The following TAF1A variants were observed in gnomAD, a reference collection of about 807,000 sequenced individuals.
The protein encoded by TAF1A is TATA-box binding protein associated factor, RNA polymerase I subunit A.
In TAF1A, 42 loss-of-function variants were observed where a neutral mutation model predicts 61.6. That is an observed-to-expected ratio of 0.68 (90% CI 0.53 to 0.88). TAF1A has a LOEUF of 0.88. Among genes scored for constraint, TAF1A ranks in the 40% least tolerant of loss-of-function variants. The probability of loss-of-function intolerance (pLI) is 0.00; values close to 1 mark genes in which losing one functional copy is unlikely to be tolerated. For missense variants in TAF1A, 424 were observed against 518.7 expected, an observed-to-expected ratio of 0.82 and a Z score of 1.77; for synonymous variants, 179 against 177.7, an observed-to-expected ratio of 1.01 and a Z score of -0.06.
chr1:222,563,064 T>C, intron 9 of TAF1A, 109 bp downstream of exon 9: 1 of 1,111,292 alleles, frequency 9.0e-7, no homozygotes. Context: ...GAAGACACAA[T>C]TCAAGAAATT....
intron 2 of TAF1A, among the ~76,000 whole-genome samples, chr1:222,585,965 T>G (rs1461273849): frequency 1.3e-5 from 2 of 152,250 alleles, no homozygotes; most frequent in African/African-American, 4.8e-5. Context: ...ACAATAAAAT[T>G]TTTTCAGATG....
chr1:222,569,039 A>G lies in TAF1A; in HGVS notation c.894+471T>C, dbSNP rs75817669. Reference sequence around the variant, plus strand: ...CTAGAAGAGATAAAAATTAATCTATAGTGACAATAAGCAGATCAGTGATTG... The same window carrying G: ...CTAGAAGAGATAAAAATTAATCTATGGTGACAATAAGCAGATCAGTGATTG... On this transcript the variant is annotated intron_variant, in intron 7 of 10. Transcript: ENST00000352967. 2.3e-3 allele frequency: 401 copies of G among 174,362 alleles called. 1 individual carries two copies. The highest frequency in any genetic ancestry group is 9.2e-3 in the African/African-American group (383 of 41,800). The allele number at this position is 174,362 out of a possible 1,614,324, so 10.8% of individuals were successfully genotyped here.
In TAF1A at chr1:222,577,445, C is replaced by G; in HGVS notation, c.604G>C (p.Asp202His). 1.9e-6 allele frequency: 3 copies of G among 1,613,402 alleles called. No individual in the cohort carries two copies. The highest frequency in any genetic ancestry group is 2.5e-6 in the Non-Finnish European group (3 of 1,179,574). The change falls in exon 5 of 11, where the codon GAT becomes CAT. Residue 202 changes from aspartate to histidine, a missense_variant and splice_region_variant. Asp to His is a moderately conservative substitution (Grantham distance 81). Transcript: ENST00000352967. The stretch of plus-strand genomic sequence containing the variant: ...AAAAAGTTTACCTGTATTCACTTAC[C>G]AAGCTTTGACAATTCCATCTTCTTT... Reference protein sequence around the residue: ...SEKKMELSKLDKDDYAYNAVA... With the variant: ...SEKKMELSKLHKDDYAYNAVA...
At chr1:222,577,402 C>G in intron 5 of TAF1A, 43 bp downstream of exon 5, 4 of 1,519,888 alleles carry the variant, frequency 2.6e-6, no homozygotes, top group Non-Finnish European at 3.6e-6. Context: ...TCCCTCTGCC[C>G]CTCAGTCTCA....
At chr1:222,556,237 G>A (rs1435309425), downstream of TAF1A, among the ~76,000 whole-genome samples, 1 of 152,182 alleles carries the variant, frequency 6.6e-6, no homozygotes, top group Non-Finnish European at 1.5e-5. Context: ...TTGTCTTCAA[G>A]GCATCTTTCC....
At chr1:222,578,815 G>A (rs536806371) in intron 4 of TAF1A, among the ~76,000 whole-genome samples, 5 of 152,028 alleles carry the variant, frequency 3.3e-5, no homozygotes, top group Non-Finnish European at 7.4e-5. Context: ...ATATTGCCTG[G>A]TAAGCGGCAA....
intron 2 of TAF1A, among the ~76,000 whole-genome samples, 180 bp downstream of exon 2, chr1:222,588,263 T>C (rs1305589177): frequency 1.3e-5 from 2 of 152,222 alleles, no homozygotes; most frequent in Non-Finnish European, 2.9e-5. Flanking sequence ...ACAGACTATC[T>C]ATTATTAATC....
At chr1:222,556,600 G>C (rs1426455270), downstream of TAF1A, among the ~76,000 whole-genome samples, 1 of 152,176 alleles carries the variant, frequency 6.6e-6, no homozygotes, top group African/African-American at 2.4e-5. Flanking sequence ...AGCTATTACT[G>C]TTATTCATGG....
chr1:222,564,157 A>C (rs771688166), intron 7 of TAF1A, 32 bp from the exon 8 acceptor site: 18 of 1,366,998 alleles, frequency 1.3e-5, no homozygotes, highest in Non-Finnish European at 1.7e-5. Context: ...TAATCTTTAC[A>C]TACTTGTAAA....
downstream of TAF1A, among the ~76,000 whole-genome samples, chr1:222,554,752 C>A (rs1290720113): frequency 1.3e-5 from 2 of 152,118 alleles, no homozygotes; most frequent in African/African-American, 4.8e-5. Flanking sequence ...GAGGCCCAGG[C>A]TAGGTGGGGG....
At chr1:222,573,942 A>G (rs1334510078) in intron 5 of TAF1A, among the ~76,000 whole-genome samples, 1 of 151,744 alleles carries the variant, frequency 6.6e-6, no homozygotes, top group African/African-American at 2.4e-5. Context: ...ATTACATGCT[A>G]TAACATTAAA....
At chr1:222,584,378 TTTTAAC>T in intron 2 of TAF1A, 81 bp from the exon 3 acceptor site, 1 of 1,378,932 alleles carries the variant, frequency 7.3e-7, no homozygotes, top group Non-Finnish European at 9.7e-7. Flanking sequence ...TGATAAGAAG[TTTTAAC>T]AAGTAAACAG....
chr1:222,564,715 G>A (rs1660052789), intron 7 of TAF1A, among the ~76,000 whole-genome samples: 1 of 151,914 alleles, frequency 6.6e-6, no homozygotes, highest in South Asian at 2.1e-4. Flanking sequence ...TTCAAAAAAT[G>A]GAATTTAAAG....
downstream of TAF1A, among the ~76,000 whole-genome samples, chr1:222,555,846 G>T (rs188034589): frequency 1.8e-4 from 28 of 152,160 alleles, no homozygotes; most frequent in East Asian, 5.0e-3. Context: ...TACATTCAGA[G>T]GTTTCAAGGA....
chr1:222,577,736 A>G, intron 4 of TAF1A, 93 bp from the exon 5 acceptor site: 1 of 1,132,950 alleles, frequency 8.8e-7, no homozygotes, highest in Non-Finnish European at 1.3e-6. Flanking sequence ...CTGGGCAAAG[A>G]CCTTGGTAGG....
chr1:222,583,667 GTC>G (rs931008236), intron 3 of TAF1A, among the ~76,000 whole-genome samples: 4 of 151,904 alleles, frequency 2.6e-5, no homozygotes, highest in African/African-American at 7.2e-5. Context: ...GTGAAACCCC[GTC>G]TCTACCAAAA....
intron 3 of TAF1A, among the ~76,000 whole-genome samples, chr1:222,581,875 T>C (rs1379320567): frequency 6.6e-6 from 1 of 152,230 alleles, no homozygotes; most frequent in East Asian, 1.9e-4. Context: ...GAGTATCCCT[T>C]ATCTGAAATC....
intron 8 of TAF1A, 111 bp from the exon 9 acceptor site, chr1:222,563,407 G>A: frequency 8.6e-7 from 1 of 1,164,732 alleles, no homozygotes; most frequent in South Asian, 1.6e-5. Context: ...ATATGTTGTT[G>A]ATAAAATACT....
chr1:222,588,375 T>G (rs1661107796), intron 2 of TAF1A, 68 bp downstream of exon 2: 62 of 1,549,560 alleles, frequency 4.0e-5, no homozygotes, highest in Non-Finnish European at 5.3e-5. Flanking sequence ...GGTTATTCAT[T>G]TTGTATCCCT....
Sources: allele counts gnomAD v4.1 joint callset (sites outside exome capture counted in the v4.1 genomes callset), GRCh38; gene constraint gnomAD v4.1.1; transcripts MANE v1.5; gene names NCBI Gene and HGNC (gene_info 2026-07-23, HGNC 2026-07-21).